CYP4X1: variants seen among roughly 807,000 people sequenced by gnomAD.
CYP4X1 encodes cytochrome P450 4X1.
Under a neutral mutation model 57.9 loss-of-function variants are expected in CYP4X1, and 44 were observed. The observed-to-expected ratio is 0.76, with a 90% confidence interval of 0.60 to 0.98. CYP4X1 has a LOEUF of 0.98. Ranked by LOEUF, CYP4X1 falls within the 50% of genes least tolerant of loss-of-function variation. CYP4X1 has a pLI of 0.00. For synonymous variants in CYP4X1, 227 were observed against 228.6 expected (o/e 0.99, Z 0.06); for missense variants, 532 against 623.9 (o/e 0.85, Z 1.57).
At chr1:46,963,047 C>CTGTTTTATTA in the CYP4X1 span, among the ~76,000 whole-genome samples, 1 of 152,158 alleles carries the variant, frequency 6.6e-6, no homozygotes, top group Non-Finnish European at 1.5e-5. Context: ...GGTTTAAAGT[C>CTGTTTTATTA]TGTTTTATTA....
chr1:47,047,591 CTG>C (rs57366027), intron 9 of CYP4X1, among the ~76,000 whole-genome samples: 9 of 151,160 alleles, frequency 6.0e-5, no homozygotes, highest in Non-Finnish European at 8.9e-5. Context: ...AATCACAGTT[CTG>C]TGTGTGTGTG....
chr1:47,010,145 C>T, the CYP4X1 span, among the ~76,000 whole-genome samples: 6 of 152,012 alleles, frequency 3.9e-5, no homozygotes, highest in African/African-American at 7.3e-5. Flanking sequence ...TGATGAACAT[C>T]GATGCAAAAA....
At chr1:46,993,139 G>C in the CYP4X1 span, among the ~76,000 whole-genome samples, 1 of 134,642 alleles carries the variant, frequency 7.4e-6, no homozygotes, top group Non-Finnish European at 1.5e-5. Flanking sequence ...GTGTCCATGT[G>C]TTCTCATTGT....
chr1:46,967,854 T>C, the CYP4X1 span: 5 of 1,187,216 alleles, frequency 4.2e-6, no homozygotes, highest in African/African-American at 6.5e-5. Context: ...TGGCAAATTT[T>C]TTCCCAATGC....
rs145214217 is a variant in CYP4X1, at chr1:47,039,944, C to T, written c.1073+412C>T. Among the ~76,000 whole-genome samples, 247 of 152,244 alleles carry T rather than the reference C, an allele frequency of 1.6e-3. 1 individual carries two copies. The highest frequency in any genetic ancestry group is 5.7e-3 in the African/African-American group (237 of 41,534). On this transcript the variant is annotated intron_variant, in intron 8 of 11. Coordinates refer to ENST00000371901, the MANE Select transcript of CYP4X1 (RefSeq NM_178033.2). ...AAGGCTCATTTTAGACATCTCCCAG[C>T]CGCTTGTCACCAATTTTATTCCTCA...
chr1:46,988,435 C>T, the CYP4X1 span, among the ~76,000 whole-genome samples: 492 of 152,214 alleles, frequency 3.2e-3, 6 homozygotes, highest in African/African-American at 0.011. Flanking sequence ...GATGGATTCA[C>T]AGCCAAATTC....
intron 1 of CYP4X1, among the ~76,000 whole-genome samples, chr1:47,024,594 G>A (rs752294972): frequency 5.3e-5 from 8 of 152,154 alleles, no homozygotes; most frequent in African/African-American, 1.9e-4. Flanking sequence ...CCGACTCTGA[G>A]TGGCAATTGT....
At chr1:47,032,454 A>G (rs184399696) in intron 3 of CYP4X1, among the ~76,000 whole-genome samples, 22 of 152,316 alleles carry the variant, frequency 1.4e-4, no homozygotes, top group Non-Finnish European at 2.6e-4. Flanking sequence ...ATTAAATGAA[A>G]TACATATTTT....
chr1:46,964,902 C>T, the CYP4X1 span, among the ~76,000 whole-genome samples: 857 of 152,288 alleles, frequency 5.6e-3, 12 homozygotes, highest in East Asian at 0.054. Flanking sequence ...TCGAGCTTCC[C>T]GGCCGCTTTG....
At chr1:47,039,644 C>A in intron 8 of CYP4X1, 112 bp downstream of exon 8, 1 of 673,226 alleles carries the variant, frequency 1.5e-6, no homozygotes, top group Non-Finnish European at 2.2e-6. Flanking sequence ...GTAGGTGAAA[C>A]AGAAGAAGTA....
the CYP4X1 span, among the ~76,000 whole-genome samples, chr1:47,011,969 A>G: frequency 6.6e-6 from 1 of 152,232 alleles, no homozygotes; most frequent in African/African-American, 2.4e-5. Flanking sequence ...TGGGACTGTA[A>G]ACTAGTTCAA....
downstream of CYP4X1, among the ~76,000 whole-genome samples, chr1:47,051,919 A>G (rs11211428): frequency 0.35 from 48,625 of 138,184 alleles, 8,681 homozygotes; most frequent in East Asian, 0.8. Flanking sequence ...GGGTTAGGTT[A>G]GTTCTTTAAA....
chr1:47,034,976 G>C (rs149215916), intron 4 of CYP4X1, among the ~76,000 whole-genome samples: 2 of 151,658 alleles, frequency 1.3e-5, no homozygotes, highest in East Asian at 3.9e-4. Flanking sequence ...TGAGAAAAAG[G>C]CTCTTTGACT....
chr1:47,049,320 T>A, intron 10 of CYP4X1, 102 bp from the exon 11 acceptor site: 1 of 834,390 alleles, frequency 1.2e-6, no homozygotes, highest in Non-Finnish European at 2.0e-6. Context: ...AAATTACACA[T>A]GTAGATCACA....
At chr1:46,993,164 T>C in the CYP4X1 span, among the ~76,000 whole-genome samples, 1 of 146,418 alleles carries the variant, frequency 6.8e-6, no homozygotes, top group African/African-American at 2.5e-5. Context: ...TTCCCACCTA[T>C]GAGTGAGAAC....
chr1:47,052,804 AAAAAT>A (rs1359542193), downstream of CYP4X1, among the ~76,000 whole-genome samples: 13 of 143,608 alleles, frequency 9.1e-5, no homozygotes, highest in Non-Finnish European at 1.2e-4. Context: ...TAAATAAATA[AAAAAT>A]AAAATAAAAA....
At chr1:47,025,219 C>T (rs1283493857) in intron 1 of CYP4X1, among the ~76,000 whole-genome samples, 1 of 152,062 alleles carries the variant, frequency 6.6e-6, no homozygotes, top group Non-Finnish European at 1.5e-5. Context: ...GAGCCTGCCA[C>T]CTCCTCCCCT....
upstream of CYP4X1, among the ~76,000 whole-genome samples, chr1:47,022,325 T>G (rs1439134233): frequency 8.0e-6 from 1 of 124,522 alleles, no homozygotes; most frequent in African/African-American, 3.1e-5. Context: ...GGAGTCTCAC[T>G]CTGTCACCAG....
downstream of CYP4X1, among the ~76,000 whole-genome samples, chr1:47,053,049 C>G (rs932465974): frequency 3.9e-5 from 6 of 152,116 alleles, no homozygotes; most frequent in African/African-American, 1.4e-4. Flanking sequence ...GGTATATCTC[C>G]TAATGCTATC....
Sources: allele counts gnomAD v4.1 joint callset (sites outside exome capture counted in the v4.1 genomes callset), GRCh38; gene constraint gnomAD v4.1.1; transcripts MANE v1.5; gene names NCBI Gene and HGNC (gene_info 2026-07-23, HGNC 2026-07-21).